DAP3: variants seen among roughly 807,000 people sequenced by gnomAD.
DAP3 encodes death associated protein 3.
DAP3 carries 28 observed loss-of-function variants against 51.9 expected under a neutral mutation model. The observed-to-expected ratio is 0.54, with a 90% CI of 0.40 to 0.74. The LOEUF (loss-of-function observed/expected upper bound fraction) is 0.74, where lower values mean the gene tolerates loss of function less well. Among genes scored for constraint, DAP3 ranks in the 30% least tolerant of loss-of-function variants. The pLI, the probability that DAP3 is intolerant of heterozygous loss-of-function variation, is 0.00. For synonymous variants in DAP3, 170 were observed against 170.3 expected, an observed-to-expected ratio of 1.00 and a Z score of 0.01; for missense variants, 458 against 483.5, an observed-to-expected ratio of 0.95 and a Z score of 0.49.
At chr1:155,720,137 A>G (rs531336161) in intron 3 of DAP3, among the ~76,000 whole-genome samples, 1 of 149,672 alleles carries the variant, frequency 6.7e-6, no homozygotes, top group Admixed American at 6.7e-5. Flanking sequence ...AACCTGGGCA[A>G]CATAGCAAGA....
intron 1 of DAP3, among the ~76,000 whole-genome samples, chr1:155,701,075 T>C (rs377325052): frequency 0.18 from 9,481 of 51,556 alleles, 3 homozygotes; most frequent in Non-Finnish European, 0.2. Context: ...CCCCCCTGCC[T>C]GGCCAGCCGC....
intron 3 of DAP3, 30 bp from the exon 4 acceptor site, chr1:155,721,487 A>T (rs909620369): frequency 6.2e-7 from 1 of 1,611,090 alleles, no homozygotes; most frequent in African/African-American, 1.3e-5. Flanking sequence ...CTTTGTCACC[A>T]TTATACCTGT....
intron 1 of DAP3, among the ~76,000 whole-genome samples, chr1:155,691,550 C>T (rs1323284936): frequency 7.1e-6 from 1 of 141,724 alleles, no homozygotes; most frequent in Non-Finnish European, 1.5e-5. Context: ...CTGCTACGAA[C>T]ATTTGTGTAC....
At chr1:155,708,781 T>G (rs951476074) in intron 1 of DAP3, among the ~76,000 whole-genome samples, 2 of 150,648 alleles carry the variant, frequency 1.3e-5, no homozygotes, top group Non-Finnish European at 3.0e-5. Context: ...CTCAGCTCAC[T>G]GTAAGCTCCG....
chr1:155,696,499 G>A (rs536133783), intron 1 of DAP3, among the ~76,000 whole-genome samples: 1 of 152,264 alleles, frequency 6.6e-6, no homozygotes, highest in East Asian at 1.9e-4. Flanking sequence ...AACCTTTTGA[G>A]GCTTAATGGC....
chr1:155,705,735 C>G (rs1007660805), intron 1 of DAP3, among the ~76,000 whole-genome samples: 9 of 151,806 alleles, frequency 5.9e-5, no homozygotes, highest in African/African-American at 2.2e-4. Context: ...GAGTCTTGCT[C>G]TGTCACCCAG....
rs770481959 is a variant in DAP3 at position 155,725,998 on chromosome 1, C to CT, written c.452dup (p.Ile152AspfsTer28). ...TCATTTCTGTGCAAAACAGGACTGGCTGATACTACATATTCCAGATGGTAA... is the reference window on the plus strand; with the variant it reads ...TCATTTCTGTGCAAAACAGGACTGGCTTGATACTACATATTCCAGATGGTAA... On this transcript the variant is annotated frameshift_variant, in exon 6 of 13. Coordinates refer to ENST00000368336, the MANE Select transcript of DAP3 (RefSeq NM_004632.4). LOFTEE classifies it high-confidence loss of function. 3.8e-5 allele frequency: 61 copies of CT among 1,614,060 alleles called. No individual in the cohort carries two copies. Among genetic ancestry groups the CT allele is most frequent in the Non-Finnish European group, 4.8e-5 (57 of 1,179,962 alleles).
intron 1 of DAP3, among the ~76,000 whole-genome samples, chr1:155,697,936 C>T (rs1654737697): frequency 6.6e-6 from 1 of 152,178 alleles, no homozygotes; most frequent in African/African-American, 2.4e-5. Flanking sequence ...CATTCGTTTT[C>T]CCAGGGTTAT....
At chr1:155,725,530 C>T in intron 5 of DAP3, 40 bp downstream of exon 5, 1 of 1,545,612 alleles carries the variant, frequency 6.5e-7, no homozygotes, top group South Asian at 1.1e-5. Flanking sequence ...TGAACCAATG[C>T]TTTCTCCCCT....
chr1:155,718,215 GTC>G lies in DAP3; in HGVS notation c.168+1091_168+1092del, dbSNP rs546221721. Among the ~76,000 whole-genome samples the G allele has an allele frequency of 1.5e-3, 228 of 152,218 alleles. 2 individuals are homozygous for G. Among genetic ancestry groups the G allele is most frequent in the South Asian group, 0.014 (68 of 4,820 alleles). ...AGCCTAGCCAACATGGCGAAAGCCT[GTC>G]TCTACTAAAAATACTAAAATTAGCT... On this transcript the variant is annotated intron_variant, in intron 3 of 12. Transcript: ENST00000368336.
chr1:155,729,036 T>C lies in DAP3; in HGVS notation c.604-6T>C, dbSNP rs1320352849. Reference sequence around the variant, plus strand: ...TTTGGTTTTTATTTTCTTTGCTTGCTTTTAGATAAAAGTTCAAGAGAAGTA... The same window carrying C: ...TTTGGTTTTTATTTTCTTTGCTTGCCTTTAGATAAAAGTTCAAGAGAAGTA... On this transcript the variant is annotated splice_polypyrimidine_tract_variant and splice_region_variant and intron_variant, in intron 7 of 12. Coordinates refer to ENST00000368336, the MANE Select transcript of DAP3 (RefSeq NM_004632.4). 1.9e-6 allele frequency: 3 copies of C among 1,611,832 alleles called. No homozygotes were observed. The Admixed American group carries it at 5.1e-5, about 27-fold the overall frequency.
intron 1 of DAP3, among the ~76,000 whole-genome samples, chr1:155,698,803 C>T (rs1426292698): frequency 3.3e-5 from 5 of 152,184 alleles, no homozygotes; most frequent in Non-Finnish European, 7.3e-5. Context: ...AAATACATGG[C>T]GTACTTACTT....
chr1:155,695,248 C>T (rs984741213), intron 1 of DAP3, among the ~76,000 whole-genome samples: 1 of 152,182 alleles, frequency 6.6e-6, no homozygotes. Flanking sequence ...TATCTATGGT[C>T]ACATGGACAT....
intron 9 of DAP3, among the ~76,000 whole-genome samples, chr1:155,730,583 T>A (rs1158209631): frequency 6.6e-6 from 1 of 151,994 alleles, no homozygotes; most frequent in Non-Finnish European, 1.5e-5. Context: ...GCCACTGCAT[T>A]CCAGGCTGGG....
chr1:155,717,051 A>G lies in DAP3; in HGVS notation c.91A>G (p.Ser31Gly), dbSNP rs370992701. ...ACACATGGGGACCCAGGCTCGCCAA[A>G]GCATTGCTGCTCACCTAGATAACCA... ...FLHMGTQARQ[S>G]IAAHLDNQVP... Residue 31 changes from serine (S) to glycine (G), a missense_variant, in exon 3 of 13, where the codon AGC becomes GGC. Coordinates refer to ENST00000368336, the MANE Select transcript of DAP3 (RefSeq NM_004632.4). The G allele has an allele frequency of 1.2e-6, 2 of 1,614,130 alleles. No homozygotes were observed. Among genetic ancestry groups the G allele is most frequent in the Non-Finnish European group, 1.7e-6 (2 of 1,180,026 alleles).
intron 1 of DAP3, among the ~76,000 whole-genome samples, chr1:155,700,777 C>T (rs192438437): frequency 0.017 from 2,329 of 138,608 alleles, 78 homozygotes; most frequent in African/African-American, 0.061. Flanking sequence ...CCAGCCGCGC[C>T]GTCTGGGAGG....
At chr1:155,726,520 G>A (rs1341293964) in intron 6 of DAP3, among the ~76,000 whole-genome samples, 1 of 151,842 alleles carries the variant, frequency 6.6e-6, no homozygotes, top group East Asian at 1.9e-4. Context: ...TCGAACTCCT[G>A]ACTTCAGGTG....
chr1:155,700,775 G>A (rs1320153023), intron 1 of DAP3, among the ~76,000 whole-genome samples: 1 of 130,080 alleles, frequency 7.7e-6, no homozygotes, highest in Admixed American at 7.4e-5. Context: ...AGCCAGCCGC[G>A]CCGTCTGGGA....
rs575780905 is a variant in DAP3 at position 155,692,116 on chromosome 1, C to T, written c.-8+2942C>T. On this transcript the variant is annotated intron_variant, in intron 1 of 12. Coordinates refer to ENST00000368336, the MANE Select transcript of DAP3 (RefSeq NM_004632.4). ...GTGAATCTCCTTTGTGCTTAAACAACGTATCTTTAGTTAGCTGGTGGGAGT... is the reference window on the plus strand; with the variant it reads ...GTGAATCTCCTTTGTGCTTAAACAATGTATCTTTAGTTAGCTGGTGGGAGT... Among the ~76,000 whole-genome samples the T allele has an allele frequency of 7.0e-5, 10 of 141,958 alleles. 2 individuals are homozygous for T. The highest frequency in any genetic ancestry group is 2.9e-4 in the African/African-American group (9 of 31,442). 93.1% of individuals were successfully genotyped at this position (141,958 alleles called of 152,430 possible).
Sources: allele counts gnomAD v4.1 joint callset (sites outside exome capture counted in the v4.1 genomes callset), GRCh38; gene constraint gnomAD v4.1.1; transcripts MANE v1.5; gene names NCBI Gene and HGNC (gene_info 2026-07-23, HGNC 2026-07-21).